FBXL17: variants seen among roughly 807,000 people sequenced by gnomAD.
FBXL17 encodes the protein F-box/LRR-repeat protein 17.
Under a neutral mutation model 66.2 loss-of-function variants are expected in FBXL17, and 22 were observed. That is an observed-to-expected ratio of 0.33 (90% CI 0.24 to 0.47). The LOEUF (loss-of-function observed/expected upper bound fraction) is 0.47. Among genes scored for constraint, FBXL17 ranks in the 20% least tolerant of loss-of-function variants. The pLI is 1.00. For synonymous variants in FBXL17, 474 were observed against 400.5 expected, an observed-to-expected ratio of 1.18 and a Z score of -2.19; for missense variants, 878 against 948.2, an observed-to-expected ratio of 0.93 and a Z score of 0.97.
At chr5:107,889,665 T>A (rs1749127538) in intron 7 of FBXL17, among the ~76,000 whole-genome samples, 1 of 152,182 alleles carries the variant, frequency 6.6e-6, no homozygotes, top group Admixed American at 6.5e-5. Context: ...AATGCAAGCC[T>A]TATTTATAGG....
At chr5:108,033,627 G>A (rs988173243) in intron 6 of FBXL17, among the ~76,000 whole-genome samples, 1 of 152,180 alleles carries the variant, frequency 6.6e-6, no homozygotes, top group Admixed American at 6.6e-5. Flanking sequence ...CAGAGTCACA[G>A]AGTATTAGTA....
intron 7 of FBXL17, among the ~76,000 whole-genome samples, chr5:107,964,937 AAG>A (rs1486700681): frequency 6.6e-6 from 1 of 152,090 alleles, no homozygotes; most frequent in African/African-American, 2.4e-5. Flanking sequence ...TCCTTCCTTA[AAG>A]CTGAGGTTTT....
chr5:108,028,917 AG>A (rs531927048), intron 6 of FBXL17, among the ~76,000 whole-genome samples: 1 of 152,246 alleles, frequency 6.6e-6, no homozygotes, highest in Admixed American at 6.5e-5. Context: ...ACGAAAAAAA[AG>A]TTTAGTTATT....
chr5:108,275,043 T>G (rs890838342), intron 4 of FBXL17, among the ~76,000 whole-genome samples: 1 of 152,126 alleles, frequency 6.6e-6, no homozygotes, highest in African/African-American at 2.4e-5. Context: ...CAAAACAGAG[T>G]TCCTTACCAG....
chr5:108,007,628 G>T (rs1276864502), intron 7 of FBXL17, among the ~76,000 whole-genome samples: 1 of 145,604 alleles, frequency 6.9e-6, no homozygotes, highest in African/African-American at 2.8e-5. Flanking sequence ...ATTATAGTAG[G>T]TTTCTAAGTT....
rs138093504 is a variant in FBXL17 at position 108,270,314 on chromosome 5, G to A, written c.1507-46086C>T. On this transcript the variant is annotated intron_variant, in intron 4 of 8. Transcript: ENST00000542267. ...CCCCTACAATCCATTCCACTCATAGGTTGAGAAAGGCTGTTTCCTCCATAC... is the reference window on the plus strand; with the variant it reads ...CCCCTACAATCCATTCCACTCATAGATTGAGAAAGGCTGTTTCCTCCATAC... Among the ~76,000 whole-genome samples, 707 of 151,866 alleles carry A rather than the reference G, an allele frequency of 4.7e-3. 7 individuals carry two copies. The highest frequency in any genetic ancestry group is 0.016 in the African/African-American group (666 of 41,486).
At chr5:108,104,820 C>T (rs578012696) in intron 6 of FBXL17, among the ~76,000 whole-genome samples, 3 of 152,126 alleles carry the variant, frequency 2.0e-5, no homozygotes, top group South Asian at 2.1e-4. Flanking sequence ...TTGGGGAGTA[C>T]ACAATTATGT....
chr5:107,880,101 C>G (rs1205935557), intron 8 of FBXL17: 1 of 221,356 alleles, frequency 4.5e-6, no homozygotes, highest in Non-Finnish European at 7.6e-6. Flanking sequence ...CAGTCGTGCT[C>G]CGTCATCCAG....
chr5:107,942,879 T>G (rs1751158343), intron 7 of FBXL17, among the ~76,000 whole-genome samples: 1 of 152,202 alleles, frequency 6.6e-6, no homozygotes, highest in African/African-American at 2.4e-5. Context: ...TCTAAGTATT[T>G]TGGCAACTGC....
intron 7 of FBXL17, among the ~76,000 whole-genome samples, chr5:107,998,415 CTG>C (rs1423815466): frequency 6.6e-6 from 1 of 152,072 alleles, no homozygotes; most frequent in Non-Finnish European, 1.5e-5. Context: ...CTTTTGCAAA[CTG>C]TTTCTTGAGT....
At chr5:108,032,839 T>C (rs1376382555) in intron 6 of FBXL17, among the ~76,000 whole-genome samples, 1 of 152,146 alleles carries the variant, frequency 6.6e-6, no homozygotes, top group South Asian at 2.1e-4. Flanking sequence ...TGTCTAAGAA[T>C]GATATTAATC....
chr5:108,289,818 A>G (rs868353610), intron 4 of FBXL17, among the ~76,000 whole-genome samples: 1 of 152,160 alleles, frequency 6.6e-6, no homozygotes, highest in African/African-American at 2.4e-5. Context: ...ACATCCTTAA[A>G]GCAACTATCA....
At chr5:108,188,122 T>C (rs1043231895) in intron 5 of FBXL17, among the ~76,000 whole-genome samples, 1 of 152,118 alleles carries the variant, frequency 6.6e-6, no homozygotes, top group South Asian at 2.1e-4. Flanking sequence ...CTCAAAAGAA[T>C]GGTCATTGGG....
chr5:108,244,158 T>C (rs1157192848), intron 4 of FBXL17, among the ~76,000 whole-genome samples: 1 of 152,160 alleles, frequency 6.6e-6, no homozygotes, highest in African/African-American at 2.4e-5. Flanking sequence ...CATTTCCATC[T>C]GTCACTCTAC....
At chr5:108,215,224 C>T (rs1264843088) in intron 5 of FBXL17, among the ~76,000 whole-genome samples, 1 of 152,174 alleles carries the variant, frequency 6.6e-6, no homozygotes, top group Non-Finnish European at 1.5e-5. Flanking sequence ...TGATTCTATA[C>T]TTAGGATTGA....
intron 4 of FBXL17, among the ~76,000 whole-genome samples, chr5:108,342,490 T>C (rs1423808121): frequency 6.6e-6 from 1 of 152,174 alleles, no homozygotes; most frequent in Non-Finnish European, 1.5e-5. Context: ...AACTTCTTCC[T>C]TTGATGTCTC....
At chr5:107,977,986 T>A (rs186761417) in intron 7 of FBXL17, among the ~76,000 whole-genome samples, 383 of 152,252 alleles carry the variant, frequency 2.5e-3, no homozygotes, top group African/African-American at 9.0e-3. Context: ...CCATGATCTC[T>A]AACTTTATGA....
intron 6 of FBXL17, among the ~76,000 whole-genome samples, chr5:108,105,292 C>A (rs1361333636): frequency 6.6e-6 from 1 of 152,130 alleles, no homozygotes; most frequent in African/African-American, 2.4e-5. Flanking sequence ...ATGGGCCAGG[C>A]CAGTGGCACA....
intron 7 of FBXL17, among the ~76,000 whole-genome samples, chr5:107,925,077 G>A (rs1366935402): frequency 2.6e-5 from 4 of 152,130 alleles, no homozygotes; most frequent in Non-Finnish European, 4.4e-5. Flanking sequence ...AAAACAGATT[G>A]ATTTTTCATA....
Sources: gnomAD v4.1 joint callset for allele counts (sites outside exome capture counted in the v4.1 genomes callset) on GRCh38, gnomAD v4.1.1 for gene constraint, MANE v1.5 for transcripts, NCBI Gene and HGNC (gene_info 2026-07-23, HGNC 2026-07-21) for gene names.